NLGN1: variants seen among roughly 807,000 people sequenced by gnomAD.
NLGN1 encodes neuroligin-1.
In NLGN1, 12 loss-of-function variants were observed where a neutral mutation model predicts 65.5. That is an observed-to-expected ratio of 0.18 (90% CI 0.12 to 0.30). NLGN1 has a LOEUF of 0.30. NLGN1 is among the 10% of genes least tolerant of loss of function. NLGN1 has a pLI of 1.00. For synonymous variants in NLGN1, 350 were observed against 359.5 expected, an observed-to-expected ratio of 0.97 and a Z score of 0.30; for missense variants, 750 against 1,007.1, an observed-to-expected ratio of 0.74 and a Z score of 3.46.
chr3:173,818,895 C>CTTTTTTTTTTTT (rs200212547), intron 4 of NLGN1, among the ~76,000 whole-genome samples: 42,375 of 90,594 alleles, frequency 0.47, 13,139 homozygotes, highest in Non-Finnish European at 0.55. Flanking sequence ...TTGAATAGTT[C>CTTTTTTTTTTTT]TTTTTTTTTT....
At chr3:173,631,709 T>C (rs955322395) in intron 3 of NLGN1, among the ~76,000 whole-genome samples, 1 of 152,138 alleles carries the variant, frequency 6.6e-6, no homozygotes, top group Admixed American at 6.6e-5. Context: ...TAGAATGATA[T>C]AGTTATTTGC....
At chr3:173,688,826 T>TA (rs893843895) in intron 3 of NLGN1, among the ~76,000 whole-genome samples, 2 of 152,166 alleles carry the variant, frequency 1.3e-5, no homozygotes, top group Admixed American at 6.5e-5. Flanking sequence ...TGCTAATTTC[T>TA]AAAAAAATAC....
chr3:173,858,530 C>T (rs1278393461), intron 4 of NLGN1, among the ~76,000 whole-genome samples: 5 of 151,958 alleles, frequency 3.3e-5, no homozygotes, highest in African/African-American at 9.7e-5. Flanking sequence ...GATAGGTTTC[C>T]AATTTCTGAA....
At chr3:174,285,307 G>A (rs923767993) in exon 7 of NLGN1, 16 of 151,402 alleles carry the variant, frequency 1.1e-4, no homozygotes, top group African/African-American at 3.9e-4. Flanking sequence ...TTCATTTCCA[G>A]TAATTAGTTG....
chr3:173,564,020 G>C (rs1357277750), intron 2 of NLGN1, among the ~76,000 whole-genome samples: 2 of 152,238 alleles, frequency 1.3e-5, no homozygotes, highest in Admixed American at 1.3e-4. Flanking sequence ...GGCCTGACCT[G>C]ATCTGGCCCT....
At chr3:173,736,669 T>C (rs2150085187) in intron 3 of NLGN1, among the ~76,000 whole-genome samples, 1 of 152,102 alleles carries the variant, frequency 6.6e-6, no homozygotes, top group East Asian at 1.9e-4. Flanking sequence ...AAAAATAATT[T>C]TGTCTTGGAA....
intron 4 of NLGN1, among the ~76,000 whole-genome samples, chr3:174,221,547 T>C (rs1347225644): frequency 1.3e-5 from 2 of 152,058 alleles, no homozygotes; most frequent in Non-Finnish European, 2.9e-5. Context: ...TCATGAACAA[T>C]AAGTTTATTA....
chr3:173,872,194 A>G (rs765318440), intron 4 of NLGN1, among the ~76,000 whole-genome samples: 13 of 152,216 alleles, frequency 8.5e-5, no homozygotes, highest in Non-Finnish European at 1.6e-4. Flanking sequence ...TGGCAGGCAC[A>G]TGTCTAAGCC....
intron 2 of NLGN1, among the ~76,000 whole-genome samples, chr3:173,500,945 C>T (rs1310037221): frequency 6.6e-6 from 1 of 152,040 alleles, no homozygotes; most frequent in Non-Finnish European, 1.5e-5. Context: ...ATTTACTCTG[C>T]ACTTAACACG....
chr3:174,203,686 T>C (rs1561283357), intron 4 of NLGN1, among the ~76,000 whole-genome samples: 1 of 152,324 alleles, frequency 6.6e-6, no homozygotes, highest in South Asian at 2.1e-4. Context: ...TGCCATCTTA[T>C]GTGAATATCG....
At chr3:174,166,251 T>C (rs1315139852) in intron 4 of NLGN1, among the ~76,000 whole-genome samples, 4 of 152,040 alleles carry the variant, frequency 2.6e-5, no homozygotes, top group African/African-American at 9.7e-5. Context: ...AGTTAGTTTT[T>C]TCTTGTTTTT....
At chr3:173,467,165 A>G (rs1560295236) in intron 2 of NLGN1, among the ~76,000 whole-genome samples, 1 of 152,100 alleles carries the variant, frequency 6.6e-6, no homozygotes, top group Non-Finnish European at 1.5e-5. Flanking sequence ...TTAATCAAAT[A>G]TATGTTACAT....
intron 2 of NLGN1, among the ~76,000 whole-genome samples, chr3:173,504,050 G>A (rs997419263): frequency 5.3e-5 from 8 of 152,066 alleles, no homozygotes; most frequent in Admixed American, 4.6e-4. Flanking sequence ...GCACATATGT[G>A]TCATAAACTG....
intron 4 of NLGN1, among the ~76,000 whole-genome samples, chr3:174,258,208 C>T (rs185290358): frequency 3.3e-3 from 495 of 152,010 alleles, no homozygotes; most frequent in African/African-American, 9.4e-3. Context: ...GAGGGGCTCC[C>T]ATTAGCCATA....
At chr3:173,482,934 TTGG>T (rs1235884921) in intron 2 of NLGN1, among the ~76,000 whole-genome samples, 1 of 152,040 alleles carries the variant, frequency 6.6e-6, no homozygotes, top group Non-Finnish European at 1.5e-5. Context: ...CCCTTTCTCA[TTGG>T]TAGGAATAAA....
Position 174,279,760 on chromosome 3 carries a change from G to A in NLGN1, c.1649+110G>A. The stretch of plus-strand genomic sequence containing the variant: ...TGTCATATTGGATTAATACCTGCAA[G>A]ATATTACATTCCTTTATTCAAAATT... On this transcript the variant is annotated intron_variant, in intron 6 of 6. Transcript: ENST00000457714. This position sits in a 1 kb window ranked among gnomAD's most constrained non-coding sequence, Gnocchi z 4.7. 1.6e-6 allele frequency: 1 copy of A among 636,022 alleles called. No individual in the cohort carries two copies. Among genetic ancestry groups the A allele is most frequent in the Non-Finnish European group, 2.7e-6 (1 of 369,312 alleles). The allele number at this position is 636,022 out of a possible 1,614,324, so 39.4% of individuals were successfully genotyped here.
intron 4 of NLGN1, among the ~76,000 whole-genome samples, chr3:174,127,290 C>T (rs1468779653): frequency 3.3e-5 from 5 of 152,042 alleles, no homozygotes; most frequent in East Asian, 1.9e-4. Context: ...CTCCTTTCAA[C>T]CTTTACTAGT....
At chr3:174,048,601 G>A (rs1734148544) in intron 4 of NLGN1, among the ~76,000 whole-genome samples, 1 of 151,852 alleles carries the variant, frequency 6.6e-6, no homozygotes, top group South Asian at 2.1e-4. Flanking sequence ...TATCCTGGGG[G>A]AAATCTGTAG....
chr3:173,858,072 T>C (rs1208354582), intron 4 of NLGN1, among the ~76,000 whole-genome samples: 1 of 151,706 alleles, frequency 6.6e-6, no homozygotes, highest in Non-Finnish European at 1.5e-5. Context: ...TATTGTCCTA[T>C]ACAAAACCAT....
Sources: gnomAD v4.1 joint callset for allele counts (sites outside exome capture counted in the v4.1 genomes callset) on GRCh38, gnomAD v4.1.1 for gene constraint, Gnocchi (gnomAD v3.1) non-coding constraint, MANE v1.5 for transcripts, NCBI Gene and HGNC (gene_info 2026-07-23, HGNC 2026-07-21) for gene names.